Variants in PHAF1 observed in about 807,000 individuals in gnomAD.
PHAF1 encodes phagosome assembly factor 1.
Under a neutral mutation model 63.1 loss-of-function variants are expected in PHAF1, and 23 were observed. The observed-to-expected ratio is 0.36, with a 90% CI of 0.26 to 0.52. PHAF1 has a LOEUF of 0.52. PHAF1 is among the 20% of genes least tolerant of loss of function. The pLI, the probability that PHAF1 is intolerant of heterozygous loss-of-function variation, is 0.93. For synonymous variants in PHAF1, 167 were observed against 185.0 expected, an observed-to-expected ratio of 0.90 and a Z score of 0.79; for missense variants, 427 against 517.2, an observed-to-expected ratio of 0.83 and a Z score of 1.69.
At chr16:67,123,508 C>T (rs142617312) in intron 2 of PHAF1, among the ~76,000 whole-genome samples, 37 of 152,010 alleles carry the variant, frequency 2.4e-4, no homozygotes, top group Admixed American at 4.6e-4. Context: ...ACCTGAGAGG[C>T]GGAGGTTGCA....
chr16:67,139,940 G>T (rs755112750), intron 8 of PHAF1, 44 bp from the exon 9 acceptor site: 7 of 1,612,804 alleles, frequency 4.3e-6, no homozygotes, highest in Middle Eastern at 1.7e-4. Context: ...AGGGTCTCTG[G>T]TCCTAACCAT....
chr16:67,114,798 G>A (rs1263583920), intron 1 of PHAF1, among the ~76,000 whole-genome samples: 2 of 152,178 alleles, frequency 1.3e-5, no homozygotes, highest in East Asian at 3.8e-4. Flanking sequence ...GTGGGCTTTC[G>A]TTTAGGAAGA....
intron 3 of PHAF1, among the ~76,000 whole-genome samples, chr16:67,128,429 A>G (rs1049019333): frequency 4.6e-5 from 7 of 152,152 alleles, no homozygotes; most frequent in Non-Finnish European, 7.4e-5. Context: ...TTTGATTGGC[A>G]CCAGCCTGAC....
At chr16:67,120,089 A>G (rs1315032787) in intron 1 of PHAF1, 23 bp from the exon 2 acceptor site, 4 of 1,608,032 alleles carry the variant, frequency 2.5e-6, no homozygotes, top group Non-Finnish European at 2.6e-6. Context: ...AAATAACCAC[A>G]TAGGTGTCTT....
At chr16:67,131,754 T>A (rs1289910172) in intron 4 of PHAF1, among the ~76,000 whole-genome samples, 5 of 152,228 alleles carry the variant, frequency 3.3e-5, no homozygotes, top group Non-Finnish European at 7.3e-5. Flanking sequence ...TTTAGAGCTA[T>A]AATGTATTTT....
rs1746920401 is a variant in PHAF1, at chr16:67,148,203, T to C, written c.*1072T>C. On this transcript the variant is annotated 3_prime_UTR_variant, in exon 16 of 16. Transcript: ENST00000219139. ...ATGTGTGTACAGATTTTTGTAAATA[T>C]GACTCTTTTGTAATTAACTCATGTA... 1 of 152,702 alleles carries C rather than the reference T, an allele frequency of 6.5e-6. No homozygotes were observed. The highest frequency in any genetic ancestry group is 1.5e-5 in the Non-Finnish European group (1 of 68,054). The allele number at this position is 152,702 out of a possible 1,614,324, so 9.5% of individuals were successfully genotyped here.
chr16:67,130,042 TTTTCTTTC>T (rs557950919), intron 3 of PHAF1, among the ~76,000 whole-genome samples: 12 of 151,864 alleles, frequency 7.9e-5, no homozygotes, highest in Non-Finnish European at 1.5e-4. Flanking sequence ...AAATAAGCTA[TTTTCTTTC>T]TTTCTTTCTT....
intron 6 of PHAF1, 122 bp downstream of exon 6, chr16:67,133,033 G>T: frequency 1.2e-6 from 1 of 815,976 alleles, no homozygotes; most frequent in Non-Finnish European, 2.0e-6. Flanking sequence ...TGGTTTCCAT[G>T]TATTTGAGCT....
At chr16:67,118,766 CTTTTT>C (rs910658530) in intron 1 of PHAF1, among the ~76,000 whole-genome samples, 4 of 99,998 alleles carry the variant, frequency 4.0e-5, no homozygotes, top group African/African-American at 1.9e-4. Context: ...TGATCTTAAA[CTTTTT>C]TTTTTTTTTT....
intron 2 of PHAF1, among the ~76,000 whole-genome samples, chr16:67,122,570 C>CAAA (rs912852837): frequency 1.2e-5 from 1 of 84,286 alleles, no homozygotes; most frequent in Non-Finnish European, 2.9e-5. Flanking sequence ...GACCCTGTCT[C>CAAA]AAAAAAAAAA....
intron 15 of PHAF1, 124 bp downstream of exon 15, chr16:67,146,474 C>T (rs1267908481): frequency 1.1e-5 from 11 of 1,006,888 alleles, no homozygotes; most frequent in Non-Finnish European, 1.6e-5. Flanking sequence ...CATCCTTCTT[C>T]AGCAACCGTG....
chr16:67,147,098 T>C lies in PHAF1; in HGVS notation c.1236T>C (p.Pro412=). 5.6e-6 allele frequency: 9 copies of C among 1,614,024 alleles called. No individual in the cohort carries two copies. The highest frequency in any genetic ancestry group is 7.6e-6 in the Non-Finnish European group (9 of 1,179,930). The change falls in exon 16 of 16, where the codon CCT becomes CCC. Residue 412 remains proline (P), a synonymous_variant. Transcript: ENST00000219139. ...TGACCCTGTATGGCCCCCCCAGGCCTGGTAGCCACCTGAGAACAGCGGAAC... is the reference window on the plus strand; with the variant it reads ...TGACCCTGTATGGCCCCCCCAGGCCCGGTAGCCACCTGAGAACAGCGGAAC... ...ASVTLYGPPR[P]GSHLRTAELP
At chr16:67,140,346 G>A (rs371415724) in intron 9 of PHAF1, among the ~76,000 whole-genome samples, 165 bp from the exon 10 acceptor site, 4 of 152,058 alleles carry the variant, frequency 2.6e-5, no homozygotes, top group Admixed American at 1.3e-4. Flanking sequence ...AACGACAGCT[G>A]GCCCCCTCTC....
intron 3 of PHAF1, among the ~76,000 whole-genome samples, chr16:67,126,595 GTT>G (rs60445297): frequency 5.2e-5 from 7 of 134,188 alleles, no homozygotes; most frequent in Non-Finnish European, 4.8e-5. Context: ...TTTGTTTTTG[GTT>G]TTTTTTTTTT....
At chr16:67,130,602 G>A (rs1191866316) in intron 3 of PHAF1, among the ~76,000 whole-genome samples, 1 of 151,940 alleles carries the variant, frequency 6.6e-6, no homozygotes, top group Non-Finnish European at 1.5e-5. Flanking sequence ...ACCTACCTGG[G>A]CCTCCCAAAG....
intron 1 of PHAF1, among the ~76,000 whole-genome samples, chr16:67,113,783 C>G (rs892573003): frequency 6.7e-6 from 1 of 148,832 alleles, no homozygotes; most frequent in African/African-American, 2.5e-5. Context: ...GAGTCTTACT[C>G]TGTCGCCCAG....
At chr16:67,128,869 C>T (rs569340050) in intron 3 of PHAF1, among the ~76,000 whole-genome samples, 6 of 152,300 alleles carry the variant, frequency 3.9e-5, no homozygotes, top group African/African-American at 1.2e-4. Flanking sequence ...CAGGCAGGGT[C>T]GAAGCACCTA....
In PHAF1 at chr16:67,145,747, C is replaced by G. The variant is rs1302413474; in HGVS notation, c.1109+119C>G. On this transcript the variant is annotated intron_variant, in intron 14 of 15. Transcript: ENST00000219139. ...ATTACAGAAGTTTCTGATATTGCCA[C>G]AAGCATACTTCCTGCCCCACTCTGC... 2.9e-6 allele frequency: 3 copies of G among 1,041,544 alleles called. No individual in the cohort carries two copies. In the East Asian group the frequency reaches 7.5e-5, roughly 26 times the overall value. The allele number at this position is 1,041,544 out of a possible 1,614,324, so 64.5% of individuals were successfully genotyped here. A position where few individuals can be genotyped will look rare whatever the true frequency, so the allele number is the denominator to read the frequency against.
intron 9 of PHAF1, 143 bp downstream of exon 9, chr16:67,140,260 C>CT: frequency 8.7e-7 from 1 of 1,144,584 alleles, no homozygotes; most frequent in Non-Finnish European, 1.2e-6. Flanking sequence ...TTTCTAACCC[C>CT]TGTAGTCCAA....
Sources: allele counts gnomAD v4.1 joint callset (sites outside exome capture counted in the v4.1 genomes callset), GRCh38; gene constraint gnomAD v4.1.1; transcripts MANE v1.5; gene names NCBI Gene and HGNC (gene_info 2026-07-23, HGNC 2026-07-21).